Variants in DLC1 observed in about 807,000 individuals in gnomAD.
The protein encoded by DLC1 is DLC1 Rho GTPase activating protein, also known as rho GTPase-activating protein 7.
A neutral mutation model predicts 140.3 loss-of-function variants in DLC1; 54 were observed. The observed-to-expected ratio is 0.38, with a 90% CI of 0.31 to 0.48. DLC1 has a LOEUF of 0.48. Among genes scored for constraint, DLC1 ranks in the 20% least tolerant of loss-of-function variants. DLC1 has a pLI of 0.96. For missense variants in DLC1, 2,536 were observed against 1,907.0 expected (o/e 1.33, Z -6.14); for synonymous variants, 986 against 728.1 (o/e 1.35, Z -5.70).
At chr8:13,347,729 G>A (rs1343804307) in intron 4 of DLC1, among the ~76,000 whole-genome samples, 1 of 152,132 alleles carries the variant, frequency 6.6e-6, no homozygotes, top group Non-Finnish European at 1.5e-5. Flanking sequence ...GGGCACAGAA[G>A]CATGAATAAC....
chr8:13,146,132 G>C (rs560465943), intron 5 of DLC1, among the ~76,000 whole-genome samples: 2 of 151,946 alleles, frequency 1.3e-5, no homozygotes, highest in African/African-American at 4.8e-5. Context: ...AAAATTAGCC[G>C]GACATAGTCG....
chr8:13,331,883 A>T (rs1454947), intron 4 of DLC1, among the ~76,000 whole-genome samples: 130,261 of 152,172 alleles, frequency 0.86, 56,170 homozygotes, highest in East Asian at 0.95. Context: ...CTTTAATATG[A>T]TCCTTTCTGT....
chr8:13,365,100 G>C (rs1171576594), intron 4 of DLC1, among the ~76,000 whole-genome samples: 1 of 152,148 alleles, frequency 6.6e-6, no homozygotes, highest in Non-Finnish European at 1.5e-5. Context: ...CCGTAGTATA[G>C]TCCTTAGAAA....
chr8:13,105,626 T>C (rs982635891), intron 7 of DLC1, among the ~76,000 whole-genome samples: 9 of 151,432 alleles, frequency 5.9e-5, no homozygotes, highest in African/African-American at 1.9e-4. Flanking sequence ...TCTTGCTCTA[T>C]TGCCCAGGCT....
Position 13,090,371 on chromosome 8 carries a change from C to T in DLC1, c.3955G>A (p.Ala1319Thr). Residue 1319 changes from alanine (A) to threonine (T), a missense_variant, in exon 15 of 18, where the codon GCT becomes ACT. Physicochemically the swap from Ala to Thr is moderately conservative, Grantham distance 58 (BLOSUM62 0). Coordinates refer to ENST00000276297, the MANE Select transcript of DLC1 (RefSeq NM_182643.3). ...ALGHLGNDDS[A>T]DYQHFLQDCV... is the part of the protein sequence containing the mutation. ...TCCTGGAGGAAGTGTTGGTAGTCAG[C>T]TGAGTCATCATTACCCAGGTGCCCG... is the stretch of plus-strand genomic sequence containing the variant. The T allele has an allele frequency of 6.2e-7, 1 of 1,614,202 alleles. No homozygotes were observed. Among genetic ancestry groups the T allele is most frequent in the Non-Finnish European group, 8.5e-7 (1 of 1,180,048 alleles).
intron 4 of DLC1, among the ~76,000 whole-genome samples, chr8:13,376,332 T>A (rs974883659): frequency 2.0e-5 from 3 of 152,120 alleles, no homozygotes; most frequent in African/African-American, 7.2e-5. Flanking sequence ...ACGGGAAGCA[T>A]TTGCTAATGA....
At chr8:13,345,900 G>A (rs1326836224) in intron 4 of DLC1, among the ~76,000 whole-genome samples, 5 of 152,112 alleles carry the variant, frequency 3.3e-5, no homozygotes, top group African/African-American at 9.7e-5. Context: ...CATAAAAAAG[G>A]TAGTTTTTAT....
chr8:13,551,546 T>C (rs1417560887), intron 1 of DLC1, among the ~76,000 whole-genome samples: 1 of 151,996 alleles, frequency 6.6e-6, no homozygotes, highest in Non-Finnish European at 1.5e-5. Context: ...TCATCTGCAG[T>C]GTTACTAAGG....
At chr8:13,261,581 G>C (rs1411773615) in intron 5 of DLC1, among the ~76,000 whole-genome samples, 1 of 152,126 alleles carries the variant, frequency 6.6e-6, no homozygotes, top group Non-Finnish European at 1.5e-5. Context: ...GCCAGTTGAG[G>C]AGTGACTGTA....
intron 5 of DLC1, among the ~76,000 whole-genome samples, chr8:13,193,619 CT>C (rs1171295601): frequency 2.6e-5 from 4 of 152,180 alleles, no homozygotes; most frequent in Non-Finnish European, 5.9e-5. Context: ...TGTTTTTCTA[CT>C]GCTTACACCA....
At chr8:13,282,851 T>C (rs1385906831) in intron 5 of DLC1, among the ~76,000 whole-genome samples, 1 of 152,182 alleles carries the variant, frequency 6.6e-6, no homozygotes, top group African/African-American at 2.4e-5. Context: ...ATAAAAATAC[T>C]AACCCCTTGC....
At chr8:13,176,405 C>G (rs1825761569) in intron 5 of DLC1, among the ~76,000 whole-genome samples, 1 of 152,064 alleles carries the variant, frequency 6.6e-6, no homozygotes. Flanking sequence ...CGTGAAACCC[C>G]GTCTCTATTA....
At chr8:13,185,433 G>T (rs202097172) in intron 5 of DLC1, among the ~76,000 whole-genome samples, 1 of 151,640 alleles carries the variant, frequency 6.6e-6, no homozygotes, top group Non-Finnish European at 1.5e-5. Flanking sequence ...TCAGCCTCCC[G>T]ACTAGCTGGG....
intron 1 of DLC1, among the ~76,000 whole-genome samples, chr8:13,568,508 G>T (rs1804535476): frequency 6.6e-6 from 1 of 152,282 alleles, no homozygotes; most frequent in Admixed American, 6.5e-5. Flanking sequence ...AATAAATTGG[G>T]GTAGGACTGG....
At chr8:13,582,143 G>A (rs1040641934) in intron 1 of DLC1, among the ~76,000 whole-genome samples, 3 of 152,064 alleles carry the variant, frequency 2.0e-5, no homozygotes, top group East Asian at 1.9e-4. Context: ...ATCAAAAAGC[G>A]CTTCTAAGCT....
chr8:13,110,807 G>T lies in DLC1; in HGVS notation c.1437C>A (p.Ile479=), dbSNP rs749310607. 1.1e-5 allele frequency: 17 copies of T among 1,613,922 alleles called. No individual in the cohort carries two copies. Among genetic ancestry groups the T allele is most frequent in the Non-Finnish European group, 1.4e-5 (17 of 1,180,014 alleles). Reference sequence around the variant, plus strand: ...GCTCTCTCTTGACCAAGGAAATATCGATGGGGAACAGGAAATCTATGAGAA... The same window carrying T: ...GCTCTCTCTTGACCAAGGAAATATCTATGGGGAACAGGAAATCTATGAGAA... ...AQLYEDFLFP[I]DISLVKREHD... is the part of the protein sequence containing the mutation. Residue 479 remains isoleucine (I), a synonymous_variant, in exon 7 of 18, where the codon ATC becomes ATA. Transcript: ENST00000276297.
At chr8:13,164,549 A>T (rs1473816126) in intron 5 of DLC1, among the ~76,000 whole-genome samples, 2 of 152,132 alleles carry the variant, frequency 1.3e-5, no homozygotes. Context: ...TCCTCTTGGC[A>T]TTAATTTTAA....
chr8:13,307,551 T>TG (rs1464563652), intron 4 of DLC1, among the ~76,000 whole-genome samples: 1 of 152,224 alleles, frequency 6.6e-6, no homozygotes, highest in East Asian at 1.9e-4. Flanking sequence ...TACCCCTGAT[T>TG]GGGGGTTTTA....
intron 5 of DLC1, among the ~76,000 whole-genome samples, chr8:13,192,160 A>T (rs1826794076): frequency 6.6e-6 from 1 of 151,812 alleles, no homozygotes. Context: ...CATGTTGGCC[A>T]GGCTGGTCTC....
Sources: gnomAD v4.1 joint callset for allele counts (sites outside exome capture counted in the v4.1 genomes callset) on GRCh38, gnomAD v4.1.1 for gene constraint, MANE v1.5 for transcripts, NCBI Gene and HGNC (gene_info 2026-07-23, HGNC 2026-07-21) for gene names.